CDH10: variants seen among roughly 807,000 people sequenced by gnomAD.
CDH10 encodes cadherin 10.
Under a neutral mutation model 73.1 loss-of-function variants are expected in CDH10, and 30 were observed. The ratio of observed to expected loss-of-function variants is 0.41; its 90% CI spans 0.31 to 0.56. The LOEUF is 0.56. Among genes scored for constraint, CDH10 ranks in the 20% least tolerant of loss-of-function variants. CDH10 has a pLI of 0.27. For synonymous variants in CDH10, 345 were observed against 348.2 expected (o/e 0.99, Z 0.10); for missense variants, 815 against 973.7 (o/e 0.84, Z 2.17).
intron 2 of CDH10, chr5:24,554,099 A>AGGGGGTTGGTGG (rs199813547): frequency 1.9e-5 from 1 of 53,670 alleles, no homozygotes. Flanking sequence ...GAGAGAGAGA[A>AGGGGGTTGGTGG]GGGGAGGTGG....
At chr5:24,600,017 C>T (rs1347790685) in intron 1 of CDH10, among the ~76,000 whole-genome samples, 2 of 152,032 alleles carry the variant, frequency 1.3e-5, no homozygotes, top group East Asian at 1.9e-4. Context: ...ATTTCATTTT[C>T]CTGAGGGCAG....
At chr5:24,635,563 A>G (rs1311787102) in intron 1 of CDH10, among the ~76,000 whole-genome samples, 1 of 151,744 alleles carries the variant, frequency 6.6e-6, no homozygotes, top group African/African-American at 2.4e-5. Flanking sequence ...TGCAACTGAC[A>G]TTTTCACTCT....
chr5:24,598,742 G>GA (rs1419776964), intron 1 of CDH10, among the ~76,000 whole-genome samples: 1 of 152,026 alleles, frequency 6.6e-6, no homozygotes, highest in African/African-American at 2.4e-5. Flanking sequence ...AAGAAGCTCT[G>GA]GTCCTTGCTA....
intron 1 of CDH10, among the ~76,000 whole-genome samples, chr5:24,631,505 T>G (rs1747704826): frequency 6.6e-6 from 1 of 151,892 alleles, no homozygotes; most frequent in African/African-American, 2.4e-5. Flanking sequence ...CTCAGCCAGG[T>G]CTTTGGATTT....
At chr5:24,541,611 T>G (rs1472485414) in intron 2 of CDH10, among the ~76,000 whole-genome samples, 1 of 152,114 alleles carries the variant, frequency 6.6e-6, no homozygotes, top group Non-Finnish European at 1.5e-5. Context: ...GACTTATATA[T>G]TGATTTGTGT....
chr5:24,539,052 ATATT>A (rs1031820826), intron 2 of CDH10, among the ~76,000 whole-genome samples: 9 of 152,100 alleles, frequency 5.9e-5, no homozygotes, highest in Admixed American at 4.6e-4. Context: ...TTCTACAAAA[ATATT>A]TATTATAAGA....
intron 2 of CDH10, among the ~76,000 whole-genome samples, chr5:24,555,328 C>A (rs2111968675): frequency 6.6e-6 from 1 of 152,162 alleles, no homozygotes; most frequent in Middle Eastern, 3.4e-3. Context: ...ATTAAATGAA[C>A]ACAAAGACTG....
intron 5 of CDH10, among the ~76,000 whole-genome samples, chr5:24,525,290 A>G (rs76240888): frequency 0.016 from 2,435 of 152,150 alleles, 65 homozygotes; most frequent in African/African-American, 0.056. Flanking sequence ...TGCTACTCAC[A>G]TTTACATTAA....
At chr5:24,510,360 G>A (rs1361271541) in intron 6 of CDH10, among the ~76,000 whole-genome samples, 1 of 152,114 alleles carries the variant, frequency 6.6e-6, no homozygotes, top group Non-Finnish European at 1.5e-5. Flanking sequence ...AAAAAATTTT[G>A]ATAGTAATTT....
chr5:24,503,633 T>C (rs962320466), intron 8 of CDH10, among the ~76,000 whole-genome samples: 10 of 152,166 alleles, frequency 6.6e-5, no homozygotes, highest in Non-Finnish European at 1.5e-5. Context: ...GAATAAAATT[T>C]TGTAAATTAG....
rs2111595748 is a variant in CDH10, at chr5:24,487,570, G to T, written c.*93C>A. 1 of 1,262,550 alleles carries T rather than the reference G, an allele frequency of 7.9e-7. No individual in the cohort carries two copies. Among genetic ancestry groups the T allele is most frequent in the Non-Finnish European group, 1.1e-6 (1 of 906,368 alleles). 78.2% of individuals were successfully genotyped at this position (1,262,550 alleles called of 1,614,324 possible). A position where few individuals can be genotyped will look rare whatever the true frequency, so the allele number is the denominator to read the frequency against. On this transcript the variant is annotated 3_prime_UTR_variant, in exon 12 of 12. Transcript: ENST00000264463. ...ATGAGAAAAAAAATTGTGCTGACTG[G>T]CAGGAAAATGCTCCTGAATATCAAA...
intron 1 of CDH10, among the ~76,000 whole-genome samples, chr5:24,602,584 C>T (rs1561190780): frequency 2.6e-5 from 4 of 152,110 alleles, no homozygotes; most frequent in Middle Eastern, 3.2e-3. Flanking sequence ...ATTAGACATT[C>T]TGCAACTTGG....
At chr5:24,531,674 AC>A (rs1282725140) in intron 5 of CDH10, among the ~76,000 whole-genome samples, 1 of 151,904 alleles carries the variant, frequency 6.6e-6, no homozygotes. Context: ...GGGAAAGACC[AC>A]CCCCGTGATT....
intron 1 of CDH10, among the ~76,000 whole-genome samples, chr5:24,607,225 C>A (rs1292897003): frequency 1.3e-5 from 2 of 152,092 alleles, no homozygotes; most frequent in Middle Eastern, 6.8e-3. Context: ...ATGTTGATGC[C>A]GACGCCTGCA....
intron 1 of CDH10, among the ~76,000 whole-genome samples, chr5:24,602,437 C>T (rs903391818): frequency 1.3e-5 from 2 of 152,114 alleles, no homozygotes; most frequent in African/African-American, 2.4e-5. Flanking sequence ...CAGAGTGCTG[C>T]TCAGCATTTC....
At chr5:24,520,840 T>C (rs758596026) in intron 5 of CDH10, among the ~76,000 whole-genome samples, 1 of 151,932 alleles carries the variant, frequency 6.6e-6, no homozygotes, top group African/African-American at 2.4e-5. Context: ...AATTCTCCCA[T>C]CTCAGTCTCC....
chr5:24,623,796 G>T (rs753464880), intron 1 of CDH10, among the ~76,000 whole-genome samples: 2 of 152,164 alleles, frequency 1.3e-5, no homozygotes, highest in East Asian at 3.9e-4. Flanking sequence ...AACAGCATAT[G>T]TGTTTTTAGG....
At chr5:24,639,302 G>T (rs912413348) in intron 1 of CDH10, among the ~76,000 whole-genome samples, 4 of 151,540 alleles carry the variant, frequency 2.6e-5, no homozygotes, top group African/African-American at 9.7e-5. Flanking sequence ...TGAGAGTGGA[G>T]CTATATTTTT....
intron 2 of CDH10, among the ~76,000 whole-genome samples, chr5:24,563,454 A>AAAC (rs1173561394): frequency 6.6e-6 from 1 of 150,602 alleles, no homozygotes; most frequent in African/African-American, 2.4e-5. Flanking sequence ...AGAAGCTTAA[A>AAAC]AAAAAAAAAC....
Sources: gnomAD v4.1 joint callset for allele counts (sites outside exome capture counted in the v4.1 genomes callset) on GRCh38, gnomAD v4.1.1 for gene constraint, MANE v1.5 for transcripts, NCBI Gene and HGNC (gene_info 2026-07-23, HGNC 2026-07-21) for gene names.